FMN2: variants seen among roughly 807,000 people sequenced by gnomAD.
FMN2 encodes the protein formin 2, also known as formin-2.
In FMN2, 51 loss-of-function variants were observed where a neutral mutation model predicts 142.3. The ratio of observed to expected loss-of-function variants is 0.36; its 90% CI spans 0.29 to 0.45. The LOEUF (loss-of-function observed/expected upper bound fraction) is 0.45, where lower values mean the gene tolerates loss of function less well. FMN2 is among the 20% of genes least tolerant of loss of function. The pLI is 1.00. For missense variants in FMN2, 1,936 were observed against 2,122.8 expected, an observed-to-expected ratio of 0.91 and a Z score of 1.73; for synonymous variants, 882 against 869.8, an observed-to-expected ratio of 1.01 and a Z score of -0.25.
At chr1:240,457,359 T>C (rs1676286554) in intron 16 of FMN2, 1 of 152,228 alleles carries the variant, frequency 6.6e-6, no homozygotes, top group African/African-American at 2.4e-5. Context: ...TTCTTCAAAC[T>C]GTAAGCACCA....
At chr1:240,326,652 G>C (rs4330908) in intron 8 of FMN2, among the ~76,000 whole-genome samples, 1,687 of 151,986 alleles carry the variant, frequency 0.011, 34 homozygotes, top group African/African-American at 0.037. Flanking sequence ...TGTATATTAA[G>C]GTGTCTAAAC....
chr1:240,219,585 T>C (rs1209678180), intron 6 of FMN2, among the ~76,000 whole-genome samples: 1 of 152,220 alleles, frequency 6.6e-6, no homozygotes, highest in East Asian at 1.9e-4. Flanking sequence ...TAAAACTTTT[T>C]ATAAATGGAA....
intron 1 of FMN2, among the ~76,000 whole-genome samples, chr1:240,121,520 C>T (rs569335698): frequency 5.8e-4 from 87 of 151,240 alleles, no homozygotes; most frequent in African/African-American, 2.0e-3. Context: ...GGACTACAGG[C>T]GCTGGCCACC....
chr1:240,205,462 T>TG, intron 4 of FMN2, among the ~76,000 whole-genome samples: 1 of 137,852 alleles, frequency 7.3e-6, no homozygotes, highest in Non-Finnish European at 1.6e-5. Context: ...TTTCCTTTTT[T>TG]TTTTTTTTTT....
chr1:240,366,024 G>T (rs1241567762), intron 14 of FMN2, among the ~76,000 whole-genome samples: 2 of 152,152 alleles, frequency 1.3e-5, no homozygotes, highest in Admixed American at 1.3e-4. Context: ...TTTTCACAGT[G>T]TAAGAGCTGA....
chr1:240,211,360 A>T (rs890668390), intron 6 of FMN2, 125 bp downstream of exon 6: 22 of 885,632 alleles, frequency 2.5e-5, no homozygotes, highest in Admixed American at 2.2e-4. Context: ...GCAGACAGCA[A>T]GGGTTAGAAC....
chr1:240,395,792 A>G (rs978065634), intron 15 of FMN2, among the ~76,000 whole-genome samples: 2 of 152,196 alleles, frequency 1.3e-5, no homozygotes, highest in Admixed American at 6.5e-5. Flanking sequence ...CGTGGTTAAG[A>G]TGCTATGAAC....
chr1:240,406,975 G>A (rs1674228579), intron 15 of FMN2, among the ~76,000 whole-genome samples: 1 of 152,082 alleles, frequency 6.6e-6, no homozygotes, highest in Non-Finnish European at 1.5e-5. Flanking sequence ...GCGTTACCTC[G>A]AGAAACGTTC....
intron 14 of FMN2, among the ~76,000 whole-genome samples, chr1:240,360,930 T>C (rs1448561925): frequency 6.6e-6 from 1 of 151,216 alleles, no homozygotes; most frequent in Non-Finnish European, 1.5e-5. Flanking sequence ...ATGAGAACTC[T>C]TGGACACAGG....
At chr1:240,140,205 A>G (rs901287738) in intron 2 of FMN2, among the ~76,000 whole-genome samples, 8 of 151,962 alleles carry the variant, frequency 5.3e-5, no homozygotes, top group Non-Finnish European at 1.2e-4. Flanking sequence ...TTTTTTTTGT[A>G]CTGGTGCTTT....
chr1:240,248,607 A>G (rs1341891531), intron 6 of FMN2, among the ~76,000 whole-genome samples: 1 of 151,928 alleles, frequency 6.6e-6, no homozygotes, highest in Non-Finnish European at 1.5e-5. Flanking sequence ...CCCTTTGGGT[A>G]CATACCCAGG....
intron 15 of FMN2, among the ~76,000 whole-genome samples, chr1:240,434,555 G>GTT (rs57596533): frequency 0.42 from 61,558 of 148,070 alleles, 14,389 homozygotes; most frequent in Middle Eastern, 0.57. Context: ...TTTGTTTTTT[G>GTT]TTTTTTTTTG....
Position 240,208,483 on chromosome 1 carries a change from C to A in FMN2, c.3671C>A (p.Pro1224Gln), listed in dbSNP as rs759257300. 2.5e-5 allele frequency: 40 copies of A among 1,611,274 alleles called. No homozygotes were observed. Among genetic ancestry groups the A allele is most frequent in the Non-Finnish European group, 3.0e-5 (35 of 1,179,138 alleles). Residue 1224 changes from proline (P) to glutamine (Q), a missense_variant, in exon 5 of 18, where the codon CCA becomes CAA. Coordinates refer to ENST00000319653, the MANE Select transcript of FMN2 (RefSeq NM_020066.5). ...GGGATTCCACCTGCTCCAGCTCCCC[C>A]ACTCCCTCCACCTGGGACAGGAATC... is the stretch of plus-strand genomic sequence containing the variant. ...GMGIPPAPAP[P>Q]LPPPGTGIPP...
At chr1:240,284,391 C>A (rs775506019) in intron 7 of FMN2, among the ~76,000 whole-genome samples, 2 of 152,058 alleles carry the variant, frequency 1.3e-5, no homozygotes, top group African/African-American at 4.8e-5. Context: ...CTGACATTTT[C>A]CCCCTCATCT....
At chr1:240,287,274 T>G (rs1669622746) in intron 7 of FMN2, among the ~76,000 whole-genome samples, 1 of 152,176 alleles carries the variant, frequency 6.6e-6, no homozygotes, top group African/African-American at 2.4e-5. Flanking sequence ...GAGAGGATGC[T>G]TCTGATCTCT....
chr1:240,242,054 C>G (rs1019950880), intron 6 of FMN2, among the ~76,000 whole-genome samples: 1 of 151,910 alleles, frequency 6.6e-6, no homozygotes, highest in Non-Finnish European at 1.5e-5. Context: ...ACCGTGTTAG[C>G]CAGGATGGTC....
chr1:240,124,691 G>C (rs376218339), intron 2 of FMN2, among the ~76,000 whole-genome samples: 5 of 151,592 alleles, frequency 3.3e-5, no homozygotes, highest in African/African-American at 9.7e-5. Flanking sequence ...TTTTTGAGAC[G>C]TAGTCTCACT....
Position 240,092,604 on chromosome 1 carries a change from T to A in FMN2, c.495T>A (p.Thr165=). The A allele has an allele frequency of 6.2e-7, 1 of 1,613,934 alleles. No individual in the cohort carries two copies. The highest frequency in any genetic ancestry group is 8.5e-7 in the Non-Finnish European group (1 of 1,179,982). The change falls in exon 1 of 18, where the codon ACT becomes ACA. Residue 165 remains threonine (T), a synonymous_variant. Transcript: ENST00000319653. The part of the protein sequence containing the change: ...GGRPIAEDVE[T]AAGAQDGQRT... Reference sequence around the variant, plus strand: ...GGCCGATCGCCGAGGATGTGGAAACTGCAGCAGGGGCGCAGGATGGACAAA... The same window carrying A: ...GGCCGATCGCCGAGGATGTGGAAACAGCAGCAGGGGCGCAGGATGGACAAA...
rs778612184 is a variant in FMN2 at position 240,207,687 on chromosome 1, C to G, written c.2875C>G (p.Leu959Val). Residue 959 changes from leucine to valine, a missense_variant, in exon 5 of 18, where the codon CTT becomes GTT. By Grantham distance (32) the Leu-to-Val change is conservative (BLOSUM62 1). Transcript: ENST00000319653. ...AGCGGCAATACCCCCTCCGCCCCCT[C>G]TTCCCGGGGCAGGCATACCCCTTCC... ...PGAAIPPPPPLPGAGIPLPPP... is the reference protein window; with the variant it reads ...PGAAIPPPPPVPGAGIPLPPP... The G allele has an allele frequency of 7.0e-7, 1 of 1,432,124 alleles. No homozygotes were observed. Among genetic ancestry groups the G allele is most frequent in the South Asian group, 1.2e-5 (1 of 84,014 alleles). The allele number at this position is 1,432,124 out of a possible 1,614,324, so 88.7% of individuals were successfully genotyped here. A position where few individuals can be genotyped will look rare whatever the true frequency, so the allele number is the denominator to read the frequency against.
Sources: gnomAD v4.1 joint callset for allele counts (sites outside exome capture counted in the v4.1 genomes callset) on GRCh38, gnomAD v4.1.1 for gene constraint, MANE v1.5 for transcripts, NCBI Gene and HGNC (gene_info 2026-07-23, HGNC 2026-07-21) for gene names.